Variants in SOAT1 observed in about 807,000 individuals in gnomAD.
The protein encoded by SOAT1 is sterol O-acyltransferase 1, also known as acyl-coenzyme A:cholesterol acyltransferase 1.
SOAT1 carries 55 observed loss-of-function variants against 69.5 expected under a neutral mutation model. The observed-to-expected ratio is 0.79, with a 90% CI of 0.64 to 0.99. The LOEUF (loss-of-function observed/expected upper bound fraction) is 0.99. SOAT1 is among the 50% of genes least tolerant of loss of function. The pLI is 0.00. For synonymous variants in SOAT1, 231 were observed against 224.7 expected (o/e 1.03, Z -0.25); for missense variants, 580 against 669.3 (o/e 0.87, Z 1.47).
chr1:179,349,346 T>TTCA, intron 13 of SOAT1, among the ~76,000 whole-genome samples: 1 of 146,608 alleles, frequency 6.8e-6, no homozygotes, highest in Non-Finnish European at 1.5e-5. Context: ...TTTTTTTTTT[T>TTCA]GAGAGAGTTT....
intron 14 of SOAT1, 37 bp downstream of exon 14, chr1:179,350,468 T>C (rs1666687371): frequency 6.3e-7 from 1 of 1,577,654 alleles, no homozygotes; most frequent in South Asian, 1.2e-5. Context: ...CTGGGTACTA[T>C]GCTAAAAAAG....
In SOAT1 at chr1:179,358,227, A is replaced by G. The variant is rs1666969674; in HGVS notation, c.*4586A>G. 1 of 152,228 alleles carries G rather than the reference A, an allele frequency of 6.6e-6. No individual in the cohort carries two copies. Among genetic ancestry groups the G allele is most frequent in the Non-Finnish European group, 1.5e-5 (1 of 68,038 alleles). 9.4% of individuals were successfully genotyped at this position (152,228 alleles called of 1,614,324 possible). On this transcript the variant is annotated 3_prime_UTR_variant, in exon 16 of 16. Coordinates refer to ENST00000367619, the MANE Select transcript of SOAT1 (RefSeq NM_003101.6). ...TCACTTTTGACTATATTAGTCAAGC[A>G]TATTATTAAAGTTTAAAAAACTCTA... is the stretch of plus-strand genomic sequence containing the variant.
At chr1:179,320,356 T>C (rs1203403181) in intron 2 of SOAT1, among the ~76,000 whole-genome samples, 1 of 152,160 alleles carries the variant, frequency 6.6e-6, no homozygotes, top group African/African-American at 2.4e-5. Context: ...AAGGTGAATG[T>C]TTATTTCTGG....
At chr1:179,334,362 T>A (rs1205588091) in intron 3 of SOAT1, among the ~76,000 whole-genome samples, 2 of 152,206 alleles carry the variant, frequency 1.3e-5, no homozygotes, top group Admixed American at 1.3e-4. Flanking sequence ...AATTACTAAC[T>A]GTCATTTATA....
At chr1:179,297,733 C>CA (rs376641077) in intron 1 of SOAT1, among the ~76,000 whole-genome samples, 63,690 of 118,968 alleles carry the variant, frequency 0.54, 15,610 homozygotes, top group East Asian at 0.61. Flanking sequence ...GACTCCGTCT[C>CA]AAAAAAAAAA....
chr1:179,328,516 C>G (rs77867192), intron 3 of SOAT1, among the ~76,000 whole-genome samples: 1 of 152,166 alleles, frequency 6.6e-6, no homozygotes, highest in South Asian at 2.1e-4. Context: ...GAATTTTGGC[C>G]GGAAGGACAA....
rs550346610 is a variant in SOAT1, at chr1:179,322,468, C to T, written c.119-969C>T. ...CGCAATCTCGGCTCACTGCAACCTC[C>T]GCCTCCCAGGTTCAAGTGATTCTCC... On this transcript the variant is annotated intron_variant, in intron 2 of 15. Transcript: ENST00000367619. Among the ~76,000 whole-genome samples, 13 of 151,860 alleles carry T rather than the reference C, an allele frequency of 8.6e-5. No homozygotes were observed. The East Asian group carries it at 2.5e-3, about 29-fold the overall frequency.
chr1:179,338,066 C>T (rs1399956510), intron 5 of SOAT1, among the ~76,000 whole-genome samples, 170 bp downstream of exon 5: 1 of 151,866 alleles, frequency 6.6e-6, no homozygotes, highest in Non-Finnish European at 1.5e-5. Context: ...GGTTCTGTAT[C>T]TAGTTTCAAA....
chr1:179,315,255 G>A (rs796123477), intron 2 of SOAT1, among the ~76,000 whole-genome samples: 49 of 152,234 alleles, frequency 3.2e-4, no homozygotes, highest in African/African-American at 1.2e-3. Context: ...GACCAGCCTG[G>A]GCAACATAGC....
intron 7 of SOAT1, 47 bp downstream of exon 7, chr1:179,341,357 T>C: frequency 6.5e-7 from 1 of 1,533,792 alleles, no homozygotes; most frequent in Non-Finnish European, 8.9e-7. Flanking sequence ...TCGGCTAAAA[T>C]AATAATAATG....
At position 179,323,594 on chromosome 1, in the gene SOAT1, G is replaced by A. The variant is rs1571426686; in HGVS notation, c.177+99G>A. 4.8e-5 allele frequency: 47 copies of A among 971,166 alleles called. No individual in the cohort carries two copies. The East Asian group carries it at 1.2e-3, about 24-fold the overall frequency. The allele number at this position is 971,166 out of a possible 1,614,324, so 60.2% of individuals were successfully genotyped here. A position where few individuals can be genotyped will look rare whatever the true frequency, so the allele number is the denominator to read the frequency against. On this transcript the variant is annotated intron_variant, in intron 3 of 15. Coordinates refer to ENST00000367619, the MANE Select transcript of SOAT1 (RefSeq NM_003101.6). ...CTAAATTGCTCAGATAATTATTTAA[G>A]CCATTCATCAGTTGCTGTTATCCTG... is the stretch of plus-strand genomic sequence containing the variant.
intron 1 of SOAT1, among the ~76,000 whole-genome samples, chr1:179,301,928 T>C (rs1246106152): frequency 6.6e-6 from 1 of 152,232 alleles, no homozygotes; most frequent in Non-Finnish European, 1.5e-5. Context: ...TAATCTCTGC[T>C]GTCTCTGAAC....
At position 179,323,433 on chromosome 1, in the gene SOAT1, G is replaced by A. The variant is rs749272596; in HGVS notation, c.119-4G>A. The A allele has an allele frequency of 2.7e-5, 43 of 1,612,494 alleles. No individual in the cohort carries two copies. Among genetic ancestry groups the A allele is most frequent in the Middle Eastern group, 1.7e-4 (1 of 6,038 alleles). ...TTAAAAGTCATGTTTTTTTCTTCCC[G>A]TAGGTCGAATTGACATAAAACAGTT... On this transcript the variant is annotated splice_region_variant and splice_polypyrimidine_tract_variant and intron_variant, in intron 2 of 15. Coordinates refer to ENST00000367619, the MANE Select transcript of SOAT1 (RefSeq NM_003101.6).
At chr1:179,345,100 G>A (rs1310845851) in intron 11 of SOAT1, 24 bp downstream of exon 11, 1 of 1,610,868 alleles carries the variant, frequency 6.2e-7, no homozygotes, top group African/African-American at 1.3e-5. Flanking sequence ...TTGTTAATTT[G>A]GTCATGCATA....
intron 2 of SOAT1, among the ~76,000 whole-genome samples, chr1:179,318,279 C>A (rs1314047004): frequency 1.3e-5 from 2 of 151,900 alleles, no homozygotes; most frequent in East Asian, 1.9e-4. Context: ...TATAATGGTA[C>A]CATGATTCAG....
At chr1:179,335,450 A>C in intron 3 of SOAT1, 56 bp from the exon 4 acceptor site, 1 of 1,465,018 alleles carries the variant, frequency 6.8e-7, no homozygotes, top group Non-Finnish European at 9.4e-7. Flanking sequence ...GAGAAATGCT[A>C]ATGACTCACA....
At chr1:179,329,270 C>T (rs1665892497) in intron 3 of SOAT1, among the ~76,000 whole-genome samples, 1 of 151,190 alleles carries the variant, frequency 6.6e-6, no homozygotes, top group Non-Finnish European at 1.5e-5. Context: ...ACCCAGGAGG[C>T]AGAGGTTGCA....
intron 2 of SOAT1, among the ~76,000 whole-genome samples, chr1:179,304,498 G>C (rs981562882): frequency 1.3e-5 from 2 of 151,506 alleles, no homozygotes; most frequent in Non-Finnish European, 2.9e-5. Flanking sequence ...GGCTGGTCTC[G>C]AACTTTTGAC....
chr1:179,331,680 A>G (rs186609072), intron 3 of SOAT1, among the ~76,000 whole-genome samples: 61 of 152,344 alleles, frequency 4.0e-4, no homozygotes, highest in African/African-American at 1.5e-3. Context: ...GAATATATAG[A>G]ATTTCAAGTA....
Sources: gnomAD v4.1 joint callset for allele counts (sites outside exome capture counted in the v4.1 genomes callset) on GRCh38, gnomAD v4.1.1 for gene constraint, MANE v1.5 for transcripts, NCBI Gene and HGNC (gene_info 2026-07-23, HGNC 2026-07-21) for gene names.